Variants in OTUD7A observed in about 807,000 individuals in gnomAD.
OTUD7A encodes OTU deubiquitinase 7A, also known as OTU domain-containing protein 7A.
A neutral mutation model predicts 65.7 loss-of-function variants in OTUD7A; 12 were observed. That is an observed-to-expected ratio of 0.18 (90% CI 0.12 to 0.30). The LOEUF (loss-of-function observed/expected upper bound fraction) is 0.30. Among genes scored for constraint, OTUD7A ranks in the 10% least tolerant of loss-of-function variants. The probability of loss-of-function intolerance (pLI) is 1.00; values close to 1 mark genes in which losing one functional copy is unlikely to be tolerated. For missense variants in OTUD7A, 1,148 were observed against 1,304.8 expected (o/e 0.88, Z 1.85); for synonymous variants, 641 against 586.3 (o/e 1.09, Z -1.35).
At chr15:31,540,955 G>C (rs760771286) in intron 5 of OTUD7A, among the ~76,000 whole-genome samples, 1 of 152,184 alleles carries the variant, frequency 6.6e-6, no homozygotes, top group African/African-American at 2.4e-5. Flanking sequence ...GGGAGGAAGT[G>C]TTTAGGAGCT....
chr15:31,808,129 AC>A lies in OTUD7A; in HGVS notation c.-100+62377del, dbSNP rs1308205935. 3.6e-3 allele frequency among the ~76,000 whole-genome samples: 409 copies of A among 114,914 alleles called. 3 individuals are homozygous for A. The highest frequency in any genetic ancestry group is 0.011 in the African/African-American group (373 of 34,664). 75.4% of individuals were successfully genotyped at this position (114,914 alleles called of 152,430 possible). ...CACACACACACACACACACACACAC[AC>A]ACACACAAACAAATCCTCACCAGGT... On this transcript the variant is annotated intron_variant, in intron 1 of 12. Transcript: ENST00000307050.
In OTUD7A at chr15:31,816,243, C is replaced by A. The variant is rs147481080; in HGVS notation, c.-100+54264G>T. ...GGTAGAGGGCCCACAGGTACACATG[C>A]AATTCTAGCATGTCCTTCCTGGACT... On this transcript the variant is annotated intron_variant, in intron 1 of 12. Transcript: ENST00000307050. Among the ~76,000 whole-genome samples the A allele has an allele frequency of 6.0e-3, 910 of 152,302 alleles. 10 individuals are homozygous for A. The highest frequency in any genetic ancestry group is 0.019 in the African/African-American group (808 of 41,546).
At chr15:31,742,727 TACTC>T (rs1460818068) in intron 1 of OTUD7A, among the ~76,000 whole-genome samples, 1 of 152,082 alleles carries the variant, frequency 6.6e-6, no homozygotes, top group Non-Finnish European at 1.5e-5. Flanking sequence ...TATTTACAGA[TACTC>T]ACTTTAAATA....
chr15:31,783,615 TTGTG>T (rs1895598360), intron 1 of OTUD7A, among the ~76,000 whole-genome samples: 1 of 152,148 alleles, frequency 6.6e-6, no homozygotes, highest in South Asian at 2.1e-4. Context: ...CTAGCAACCC[TTGTG>T]TGTAAGTGTT....
At position 31,564,304 on chromosome 15, in the gene OTUD7A, T is replaced by C. The variant is rs371349696; in HGVS notation, c.332-5117A>G. ...AATCTACTAAATGAAAATTTAAGTA[T>C]ACCATGTAAATCTTTTTAGGCACTC... On this transcript the variant is annotated intron_variant, in intron 4 of 12. Transcript: ENST00000307050. 2.5e-4 allele frequency among the ~76,000 whole-genome samples: 38 copies of C among 151,756 alleles called. No individual in the cohort carries two copies. The South Asian group carries it at 7.3e-3, about 29-fold the overall frequency.
intron 1 of OTUD7A, among the ~76,000 whole-genome samples, chr15:31,857,565 T>TA (rs1284345421): frequency 2.6e-5 from 4 of 151,720 alleles, no homozygotes; most frequent in Non-Finnish European, 5.9e-5. Context: ...AGTGTACAGA[T>TA]AGAGTAAATG....
intron 5 of OTUD7A, among the ~76,000 whole-genome samples, chr15:31,549,271 C>T (rs556499172): frequency 1.3e-5 from 2 of 152,206 alleles, no homozygotes; most frequent in East Asian, 3.9e-4. Context: ...TTCCCCTGAC[C>T]ACAACATATT....
intron 1 of OTUD7A, among the ~76,000 whole-genome samples, chr15:31,686,329 G>A (rs189836094): frequency 6.6e-6 from 1 of 152,338 alleles, no homozygotes; most frequent in East Asian, 1.9e-4. Context: ...CATGAGCGTG[G>A]AGCTCACTCA....
intron 1 of OTUD7A, among the ~76,000 whole-genome samples, chr15:31,756,627 AACAC>A (rs56792926): frequency 0.016 from 2,217 of 138,322 alleles, 44 homozygotes; most frequent in East Asian, 0.047. Flanking sequence ...CAGTGTACCC[AACAC>A]ACACACACAC....
chr15:31,743,308 T>TA (rs1595740220), intron 1 of OTUD7A, among the ~76,000 whole-genome samples: 1 of 151,816 alleles, frequency 6.6e-6, no homozygotes, highest in Non-Finnish European at 1.5e-5. Context: ...ATGAGATATG[T>TA]AAAAAAGTCC....
intron 3 of OTUD7A, among the ~76,000 whole-genome samples, chr15:31,580,824 A>G (rs1889349192): frequency 6.6e-6 from 1 of 152,170 alleles, no homozygotes; most frequent in African/African-American, 2.4e-5. Flanking sequence ...TTACAATTCA[A>G]GGTGAGATTT....
intron 3 of OTUD7A, among the ~76,000 whole-genome samples, chr15:31,592,904 AATATATATATAT>A (rs1226266359): frequency 0.011 from 624 of 59,316 alleles, 30 homozygotes; most frequent in Middle Eastern, 0.037. Context: ...AAAAAAAAAA[AATATATATATAT>A]ATATATATAT....
chr15:31,633,011 G>A (rs1465853430), intron 3 of OTUD7A, among the ~76,000 whole-genome samples: 1 of 151,522 alleles, frequency 6.6e-6, no homozygotes, highest in Non-Finnish European at 1.5e-5. Context: ...GATTTTCCAG[G>A]TGCCGTCTGT....
intron 3 of OTUD7A, among the ~76,000 whole-genome samples, chr15:31,579,819 C>T (rs1889318691): frequency 6.6e-6 from 1 of 152,226 alleles, no homozygotes; most frequent in Non-Finnish European, 1.5e-5. Context: ...CACTCATACA[C>T]ACTATATATA....
chr15:31,614,590 C>T (rs1359315552), intron 3 of OTUD7A, among the ~76,000 whole-genome samples: 1 of 152,022 alleles, frequency 6.6e-6, no homozygotes, highest in African/African-American at 2.4e-5. Flanking sequence ...AGTCTACAGT[C>T]CTATATCTTG....
chr15:31,675,041 T>C (rs973612494), intron 1 of OTUD7A, among the ~76,000 whole-genome samples: 1 of 152,136 alleles, frequency 6.6e-6, no homozygotes, highest in Non-Finnish European at 1.5e-5. Flanking sequence ...GCTGAATGTA[T>C]TCCTAATTGA....
In OTUD7A at chr15:31,522,091, C is replaced by G. The variant is rs78652085; in HGVS notation, c.893+4258G>C. ...CTAAGTTCAGGTTCTGGCTTTGTGTCTTTCAGGCTGTGGGACATTGGAAGC... is the reference window on the plus strand; with the variant it reads ...CTAAGTTCAGGTTCTGGCTTTGTGTGTTTCAGGCTGTGGGACATTGGAAGC... On this transcript the variant is annotated intron_variant, in intron 8 of 12. Coordinates refer to ENST00000307050, the MANE Select transcript of OTUD7A (RefSeq NM_001382637.1). Among the ~76,000 whole-genome samples, 24 of 152,320 alleles carry G rather than the reference C, an allele frequency of 1.6e-4. No homozygotes were observed. In the East Asian group the frequency reaches 4.6e-3, roughly 29 times the overall value.
At chr15:31,559,393 ATAC>A (rs1413504976) in intron 4 of OTUD7A, among the ~76,000 whole-genome samples, 3 of 152,216 alleles carry the variant, frequency 2.0e-5, no homozygotes, top group Non-Finnish European at 2.9e-5. Context: ...TCACACATAT[ATAC>A]TACATGGCAC....
At chr15:31,859,833 C>G (rs1353463743) in intron 1 of OTUD7A, among the ~76,000 whole-genome samples, 1 of 152,192 alleles carries the variant, frequency 6.6e-6, no homozygotes, top group Non-Finnish European at 1.5e-5. Context: ...GGACCTCTGG[C>G]CCGGGCCCTT....
Sources: gnomAD v4.1 joint callset for allele counts (sites outside exome capture counted in the v4.1 genomes callset) on GRCh38, gnomAD v4.1.1 for gene constraint, MANE v1.5 for transcripts, NCBI Gene and HGNC (gene_info 2026-07-23, HGNC 2026-07-21) for gene names.